The following PEBP4 variants were observed in gnomAD, a reference collection of about 807,000 sequenced individuals.
PEBP4 encodes phosphatidylethanolamine-binding protein 4.
Under a neutral mutation model 23.9 loss-of-function variants are expected in PEBP4, and 22 were observed. The observed-to-expected ratio is 0.92, with a 90% confidence interval of 0.66 to 1.31. The LOEUF is 1.31. Among genes scored for constraint, PEBP4 ranks in the 40% most tolerant of loss-of-function variants. The pLI, the probability that PEBP4 is intolerant of heterozygous loss-of-function variation, is 0.00. For missense variants in PEBP4, 324 were observed against 281.7 expected, an observed-to-expected ratio of 1.15 and a Z score of -1.07; for synonymous variants, 112 against 99.3, an observed-to-expected ratio of 1.13 and a Z score of -0.76.
intron 3 of PEBP4, among the ~76,000 whole-genome samples, chr8:22,832,649 G>A (rs541792677): frequency 5.3e-5 from 8 of 152,298 alleles, no homozygotes; most frequent in South Asian, 4.1e-4. Flanking sequence ...GAGGAGAAAC[G>A]AAAAGTATCC....
At chr8:22,852,027 C>T (rs1807562181) in intron 3 of PEBP4, among the ~76,000 whole-genome samples, 1 of 152,056 alleles carries the variant, frequency 6.6e-6, no homozygotes, top group Non-Finnish European at 1.5e-5. Flanking sequence ...GGTAGCTCAG[C>T]AGCCAAGGAT....
intron 4 of PEBP4, among the ~76,000 whole-genome samples, chr8:22,791,366 A>G (rs1806137231): frequency 6.6e-6 from 1 of 152,284 alleles, no homozygotes; most frequent in South Asian, 2.1e-4. Flanking sequence ...ATATCTGCTC[A>G]TTGCCATCCT....
At chr8:22,828,649 G>A (rs141017193) in intron 3 of PEBP4, among the ~76,000 whole-genome samples, 378 of 152,256 alleles carry the variant, frequency 2.5e-3, no homozygotes, top group Non-Finnish European at 4.5e-3. Context: ...TGTGGCACAC[G>A]CCATTAGTTG....
At chr8:22,727,252 A>T (rs202112308) in intron 4 of PEBP4, 32 bp from the exon 5 acceptor site, 2 of 1,610,912 alleles carry the variant, frequency 1.2e-6, no homozygotes, top group Non-Finnish European at 8.5e-7. Context: ...GCTGTAGGTT[A>T]TGTCTTGGGC....
At chr8:22,843,558 G>A (rs1008494474) in intron 3 of PEBP4, among the ~76,000 whole-genome samples, 6 of 152,264 alleles carry the variant, frequency 3.9e-5, no homozygotes, top group African/African-American at 9.6e-5. Context: ...TGTACTTGAC[G>A]GTGCTCAACC....
chr8:22,863,280 C>T (rs1015822178), intron 3 of PEBP4, among the ~76,000 whole-genome samples: 5 of 152,152 alleles, frequency 3.3e-5, no homozygotes, highest in Non-Finnish European at 5.9e-5. Flanking sequence ...ATGCTCCCTT[C>T]CTCTCTGTGT....
At chr8:22,796,653 C>A (rs1039860998) in intron 4 of PEBP4, among the ~76,000 whole-genome samples, 1 of 152,024 alleles carries the variant, frequency 6.6e-6, no homozygotes, top group Non-Finnish European at 1.5e-5. Flanking sequence ...TGGTTAGAGC[C>A]AAAAGGGGCC....
At chr8:22,896,529 G>A (rs979464925) in intron 3 of PEBP4, among the ~76,000 whole-genome samples, 4 of 152,144 alleles carry the variant, frequency 2.6e-5, no homozygotes, top group African/African-American at 9.7e-5. Flanking sequence ...CTGACATTTT[G>A]TGTTTCTGAT....
intron 4 of PEBP4, among the ~76,000 whole-genome samples, chr8:22,802,957 A>T (rs774036942): frequency 1.3e-5 from 2 of 152,152 alleles, no homozygotes; most frequent in Non-Finnish European, 2.9e-5. Flanking sequence ...GAGCAGCGTC[A>T]CCAGCTAGCA....
At chr8:22,718,620 G>C (rs1245204613) in intron 6 of PEBP4, among the ~76,000 whole-genome samples, 1 of 152,190 alleles carries the variant, frequency 6.6e-6, no homozygotes, top group Non-Finnish European at 1.5e-5. Flanking sequence ...CGCTCGGCCA[G>C]GTGGGTGGGG....
At chr8:22,888,728 A>G (rs1426322750) in intron 3 of PEBP4, among the ~76,000 whole-genome samples, 2 of 152,156 alleles carry the variant, frequency 1.3e-5, no homozygotes, top group Non-Finnish European at 2.9e-5. Context: ...GTCCCCATCA[A>G]ATCTCAGTGT....
chr8:22,777,018 C>A (rs1290001980), intron 4 of PEBP4, among the ~76,000 whole-genome samples: 1 of 151,724 alleles, frequency 6.6e-6, no homozygotes. Flanking sequence ...TGGGTTGGGG[C>A]AGAGAAACAG....
chr8:22,892,260 T>C (rs988883016), intron 3 of PEBP4, among the ~76,000 whole-genome samples: 4 of 152,236 alleles, frequency 2.6e-5, no homozygotes, highest in Admixed American at 6.5e-5. Flanking sequence ...GTTTTAAAAA[T>C]CATGGCATAA....
intron 3 of PEBP4, among the ~76,000 whole-genome samples, chr8:22,835,485 G>C (rs1271195939): frequency 2.6e-5 from 4 of 152,212 alleles, no homozygotes. Flanking sequence ...GGTGCACATG[G>C]AAACACAGCA....
At chr8:22,881,172 C>T (rs939615907) in intron 3 of PEBP4, among the ~76,000 whole-genome samples, 3 of 152,262 alleles carry the variant, frequency 2.0e-5, no homozygotes, top group African/African-American at 7.2e-5. Context: ...TGGGGCCCCA[C>T]AGGGCTCCAG....
chr8:22,915,397 G>A (rs79587356), intron 3 of PEBP4, among the ~76,000 whole-genome samples: 28,477 of 83,798 alleles, frequency 0.34, 3,049 homozygotes, highest in Middle Eastern at 0.43. Flanking sequence ...CCCGACCCCC[G>A]ACCCAACCAC....
intron 4 of PEBP4, among the ~76,000 whole-genome samples, chr8:22,764,521 C>T (rs987613254): frequency 3.3e-5 from 5 of 152,134 alleles, no homozygotes; most frequent in African/African-American, 9.7e-5. Context: ...GGTGTAGTTG[C>T]CCAATGCCCT....
chr8:22,843,461 T>C (rs1210158187), intron 3 of PEBP4, among the ~76,000 whole-genome samples: 1 of 152,210 alleles, frequency 6.6e-6, no homozygotes, highest in Admixed American at 6.5e-5. Flanking sequence ...GGTTGCTCCA[T>C]CTAAGTGTCA....
rs1359377791 is a variant in PEBP4 at position 22,924,766 on chromosome 8, G to T, written c.131+2818C>A. On this transcript the variant is annotated intron_variant, in intron 2 of 6. Coordinates refer to ENST00000256404, the MANE Select transcript of PEBP4 (RefSeq NM_144962.3). The stretch of plus-strand genomic sequence containing the variant: ...CTGGCTGCAGGTTTGGAGAATCATG[G>T]TTCTTTCCATTCTGCGACTGAGCCC... 7 of 985,374 alleles carry T rather than the reference G, an allele frequency of 7.1e-6. No individual in the cohort carries two copies. The Admixed American group carries it at 2.5e-4, about 35-fold the overall frequency. 61.0% of individuals were successfully genotyped at this position (985,374 alleles called of 1,614,324 possible).
Sources: gnomAD v4.1 joint callset for allele counts (sites outside exome capture counted in the v4.1 genomes callset) on GRCh38, gnomAD v4.1.1 for gene constraint, MANE v1.5 for transcripts, NCBI Gene and HGNC (gene_info 2026-07-23, HGNC 2026-07-21) for gene names.